Variants in VPS13A observed in about 807,000 individuals in gnomAD.
The protein encoded by VPS13A is intermembrane lipid transfer protein VPS13A.
Under a neutral mutation model 390.9 loss-of-function variants are expected in VPS13A, and 264 were observed. That is an observed-to-expected ratio of 0.68 (90% CI 0.61 to 0.75). VPS13A has a LOEUF of 0.75. Ranked by LOEUF, VPS13A falls within the 30% of genes least tolerant of loss-of-function variation. VPS13A has a pLI of 0.00. For synonymous variants in VPS13A, 1,231 were observed against 1,227.1 expected, an observed-to-expected ratio of 1.00 and a Z score of -0.07; for missense variants, 3,409 against 3,733.9, an observed-to-expected ratio of 0.91 and a Z score of 2.27.
intron 71 of VPS13A, among the ~76,000 whole-genome samples, chr9:77,409,521 A>AATCC (rs1390639395): frequency 6.6e-6 from 1 of 152,204 alleles, no homozygotes; most frequent in African/African-American, 2.4e-5. Flanking sequence ...AGGAAGTTCG[A>AATCC]ATCCATGGCA....
chr9:77,321,020 A>G, intron 42 of VPS13A, 149 bp from the exon 43 acceptor site: 1 of 690,004 alleles, frequency 1.4e-6, no homozygotes, highest in East Asian at 2.8e-5. Context: ...TAGTTGGCTG[A>G]TGTCCAAGTA....
intron 51 of VPS13A, among the ~76,000 whole-genome samples, chr9:77,344,705 G>A (rs1233754733): frequency 6.6e-6 from 1 of 151,682 alleles, no homozygotes; most frequent in Non-Finnish European, 1.5e-5. Context: ...CTTGCAGTGA[G>A]CCGAGATCGC....
chr9:77,268,939 CAAAAAAA>C (rs34989883), intron 23 of VPS13A, among the ~76,000 whole-genome samples: 1 of 104,574 alleles, frequency 9.6e-6, no homozygotes, highest in Non-Finnish European at 2.0e-5. Flanking sequence ...TACTCCATCT[CAAAAAAA>C]AAAAAAAAGA....
At chr9:77,399,203 A>AAC (rs1834268267) in intron 68 of VPS13A, among the ~76,000 whole-genome samples, 8 of 94,356 alleles carry the variant, frequency 8.5e-5, no homozygotes, top group Middle Eastern at 0.01. Context: ...AAAAAAAAAA[A>AAC]AACAAAGGAT....
At chr9:77,205,832 C>T (rs1446057287) in intron 4 of VPS13A, 146 bp from the exon 5 acceptor site, 6 of 543,170 alleles carry the variant, frequency 1.1e-5, no homozygotes, top group South Asian at 4.2e-5. Flanking sequence ...CCTCATGATT[C>T]GCCCAGCTTG....
rs935879601 is a variant in VPS13A, at chr9:77,281,922, T to G, written c.2960T>G (p.Ile987Ser). 1.3e-6 allele frequency: 2 copies of G among 1,566,180 alleles called. No individual in the cohort carries two copies. Among genetic ancestry groups the G allele is most frequent in the Admixed American group, 1.7e-5 (1 of 59,764 alleles). ...ACCTATAACAATGTTTTACAATTGA[T>G]TAAGGTATGAGTAGATAATTTATTT... ...KSTYNNVLQLIKVNFSSLDIH... is the reference protein window; with the variant it reads ...KSTYNNVLQLSKVNFSSLDIH... Residue 987 changes from isoleucine to serine, a missense_variant, in exon 28 of 72, where the codon ATT (isoleucine) becomes AGT (serine). By Grantham distance (142) the Ile-to-Ser change is moderately radical. Around this residue, in one of 5 missense-constraint regions of VPS13A, gnomAD observed 2,717 missense variants for 2,917.4 expected, o/e 0.93. Transcript: ENST00000360280.
intron 23 of VPS13A, among the ~76,000 whole-genome samples, chr9:77,267,141 C>T (rs1826082326): frequency 1.3e-5 from 2 of 151,972 alleles, no homozygotes; most frequent in Admixed American, 6.6e-5. Flanking sequence ...TTGTTATTAC[C>T]CACCTTCTGA....
chr9:77,295,635 G>T lies in VPS13A; in HGVS notation c.3601G>T (p.Ala1201Ser), dbSNP rs776924250. Residue 1201 changes from alanine (A) to serine (S), a missense_variant, in exon 33 of 72, where the codon GCA becomes TCA. Around this residue, in one of 5 missense-constraint regions of VPS13A, gnomAD observed 2,717 missense variants for 2,917.4 expected, o/e 0.93. Transcript: ENST00000360280. ...GMAATGVKEL[A>S]QRSSRMALDI... ...GGCTGCTACTGGTGTAAAAGAACTC[G>T]CACAAAGGAGTTCCAGAATGGCACT... is the stretch of plus-strand genomic sequence containing the variant. 2 of 1,613,824 alleles carry T rather than the reference G, an allele frequency of 1.2e-6. No individual in the cohort carries two copies. The highest frequency in any genetic ancestry group is 1.1e-5 in the South Asian group (1 of 91,066).
intron 41 of VPS13A, among the ~76,000 whole-genome samples, chr9:77,318,813 TAA>T (rs1451346333): frequency 1.3e-5 from 2 of 152,328 alleles, no homozygotes; most frequent in Admixed American, 6.5e-5. Flanking sequence ...ATGTCCACAT[TAA>T]GTTTATATTT....
At position 77,314,669 on chromosome 9, in the gene VPS13A, G is replaced by T. The variant is rs996477133; in HGVS notation, c.4412+5G>T. The T allele has an allele frequency of 1.2e-6, 2 of 1,609,984 alleles. No individual in the cohort carries two copies. Among genetic ancestry groups the T allele is most frequent in the Admixed American group, 1.7e-5 (1 of 59,964 alleles). On this transcript the variant is annotated splice_donor_5th_base_variant and intron_variant, in intron 37 of 71. Transcript: ENST00000360280. ...TGTCAAGAAAGCAACTCCTCGGTAT[G>T]TATTGTAATGATGTTCTAAGGTTTT...
chr9:77,291,059 G>A lies in VPS13A; in HGVS notation c.3340-2282G>A, dbSNP rs556691631. 2.6e-4 allele frequency among the ~76,000 whole-genome samples: 39 copies of A among 152,222 alleles called. No homozygotes were observed. The South Asian group carries it at 7.1e-3, about 28-fold the overall frequency. ...GTCCCCAACCCCCGGGCTGTAGAAC[G>A]GTACCGGTCTGTGACCTGTTAGGAA... On this transcript the variant is annotated intron_variant, in intron 31 of 71. Coordinates refer to ENST00000360280, the MANE Select transcript of VPS13A (RefSeq NM_033305.3).
At chr9:77,382,541 T>G in intron 68 of VPS13A, 1 of 1,196,982 alleles carries the variant, frequency 8.4e-7, no homozygotes, top group Non-Finnish European at 1.0e-6. Flanking sequence ...GGTACTTACT[T>G]AACCAATTAA....
chr9:77,387,049 A>C (rs764945716), intron 68 of VPS13A, among the ~76,000 whole-genome samples: 1 of 151,978 alleles, frequency 6.6e-6, no homozygotes. Flanking sequence ...TTTCTGCCAC[A>C]GTGAAATTAT....
intron 27 of VPS13A, among the ~76,000 whole-genome samples, chr9:77,280,924 A>G (rs959824252): frequency 1.3e-5 from 2 of 152,152 alleles, no homozygotes; most frequent in South Asian, 2.1e-4. Flanking sequence ...TGTGGTATAT[A>G]TACAAAATGA....
intron 22 of VPS13A, among the ~76,000 whole-genome samples, chr9:77,257,280 G>A (rs1037235359): frequency 2.6e-5 from 4 of 151,880 alleles, no homozygotes; most frequent in African/African-American, 9.7e-5. Context: ...TGTCACCTAG[G>A]CTAGAGAACA....
At chr9:77,382,575 A>C in intron 68 of VPS13A, 1 of 1,124,846 alleles carries the variant, frequency 8.9e-7, no homozygotes, top group Non-Finnish European at 1.1e-6. Flanking sequence ...TGGGGTTATT[A>C]AACCACTGGT....
At chr9:77,310,341 AG>A (rs764122208) in intron 35 of VPS13A, among the ~76,000 whole-genome samples, 2 of 152,184 alleles carry the variant, frequency 1.3e-5, no homozygotes, top group Admixed American at 6.5e-5. Flanking sequence ...AGAAAAAAAA[AG>A]CCATATGGAA....
chr9:77,351,148 A>T (rs979854316), intron 52 of VPS13A, 169 bp from the exon 53 acceptor site: 2 of 732,548 alleles, frequency 2.7e-6, no homozygotes, highest in South Asian at 1.9e-5. Context: ...AGAAATATTC[A>T]TTAGTGAACC....
At chr9:77,400,610 G>A (rs1213770627) in intron 68 of VPS13A, among the ~76,000 whole-genome samples, 2 of 151,608 alleles carry the variant, frequency 1.3e-5, no homozygotes, top group Non-Finnish European at 2.9e-5. Flanking sequence ...GGCAGATCAG[G>A]AGGTCAGGAG....
Sources: gnomAD v4.1 joint callset for allele counts (sites outside exome capture counted in the v4.1 genomes callset) on GRCh38, gnomAD v4.1.1 for gene constraint, gnomAD v4.1.1 regional missense constraint, MANE v1.5 for transcripts, NCBI Gene and HGNC (gene_info 2026-07-23, HGNC 2026-07-21) for gene names.